FAF1: variants seen among roughly 807,000 people sequenced by gnomAD.
The protein encoded by FAF1 is FAS-associated factor 1.
A neutral mutation model predicts 92.5 loss-of-function variants in FAF1; 25 were observed. That is an observed-to-expected ratio of 0.27 (90% CI 0.20 to 0.38). The LOEUF (loss-of-function observed/expected upper bound fraction) is 0.38, where lower values mean the gene tolerates loss of function less well. Ranked by LOEUF, FAF1 falls within the 10% of genes least tolerant of loss-of-function variation. FAF1 has a pLI of 1.00. For missense variants in FAF1, 636 were observed against 793.3 expected (o/e 0.80, Z 2.38); for synonymous variants, 234 against 273.2 (o/e 0.86, Z 1.42).
At chr1:50,738,533 T>C (rs746581883) in intron 6 of FAF1, among the ~76,000 whole-genome samples, 23 of 152,190 alleles carry the variant, frequency 1.5e-4, no homozygotes, top group Non-Finnish European at 3.1e-4. Context: ...ATGCTTTCTT[T>C]AGCAATGAGA....
chr1:50,692,979 T>C (rs867811787), intron 7 of FAF1, among the ~76,000 whole-genome samples: 41 of 152,240 alleles, frequency 2.7e-4, no homozygotes, highest in African/African-American at 9.9e-4. Context: ...CTCTTATCAA[T>C]ATACAATTTG....
intron 17 of FAF1, among the ~76,000 whole-genome samples, chr1:50,481,707 G>C (rs779222689): frequency 5.9e-5 from 9 of 152,228 alleles, no homozygotes; most frequent in Non-Finnish European, 1.2e-4. Flanking sequence ...GGTAGAAGGT[G>C]GGGGGAGGGG....
At chr1:50,893,616 C>T (rs1312251199) in intron 1 of FAF1, among the ~76,000 whole-genome samples, 1 of 152,166 alleles carries the variant, frequency 6.6e-6, no homozygotes, top group Non-Finnish European at 1.5e-5. Flanking sequence ...GGCTGCCACA[C>T]TGGGACTGTG....
At chr1:50,596,045 A>G in intron 9 of FAF1, 76 bp downstream of exon 9, 3 of 915,794 alleles carry the variant, frequency 3.3e-6, no homozygotes, top group Non-Finnish European at 5.3e-6. Flanking sequence ...GCTCTGGCAG[A>G]TAAAAAAAAA....
intron 6 of FAF1, among the ~76,000 whole-genome samples, chr1:50,723,415 T>A (rs997798432): frequency 2.7e-5 from 4 of 148,154 alleles, no homozygotes; most frequent in South Asian, 2.1e-4. Flanking sequence ...AAAAAAAAAA[T>A]AAGTAGGATG....
rs576809540 is a variant in FAF1 at position 50,870,991 on chromosome 1, C to T, written c.46-12994G>A. Among the ~76,000 whole-genome samples, 45 of 152,296 alleles carry T rather than the reference C, an allele frequency of 3.0e-4. 1 individual carries two copies. The South Asian group carries it at 8.1e-3, about 27-fold the overall frequency. On this transcript the variant is annotated intron_variant, in intron 1 of 18. Transcript: ENST00000396153. ...AAGGAAAAGTTCTTGAGGGAAATTA[C>T]GTGTTACTCTAGTGAATATACAAAT...
intron 2 of FAF1, among the ~76,000 whole-genome samples, chr1:50,856,022 A>G (rs1429414632): frequency 1.2e-4 from 18 of 151,868 alleles, no homozygotes; most frequent in Non-Finnish European, 2.5e-4. Context: ...TCCTTTTACA[A>G]TATTCTGCAT....
intron 12 of FAF1, among the ~76,000 whole-genome samples, chr1:50,573,279 A>T (rs913699562): frequency 5.9e-5 from 9 of 151,816 alleles, no homozygotes; most frequent in Non-Finnish European, 1.0e-4. Context: ...TTGTGTTTTT[A>T]GTAGAGATGG....
At chr1:50,758,915 T>TCTCTGCAAGCTCTGCC (rs1256912843) in intron 4 of FAF1, among the ~76,000 whole-genome samples, 2 of 152,086 alleles carry the variant, frequency 1.3e-5, no homozygotes, top group African/African-American at 4.8e-5. Flanking sequence ...CGATCTCGGC[T>TCTCTGCAAGCTCTGCC]CTCTGCAAGC....
chr1:50,718,602 T>G (rs1658286218), intron 6 of FAF1, among the ~76,000 whole-genome samples: 1 of 152,238 alleles, frequency 6.6e-6, no homozygotes, highest in Non-Finnish European at 1.5e-5. Context: ...CTTATAAGGT[T>G]CATCTTCACT....
chr1:50,546,367 T>G (rs913109946), intron 13 of FAF1, among the ~76,000 whole-genome samples: 1 of 152,174 alleles, frequency 6.6e-6, no homozygotes, highest in African/African-American at 2.4e-5. Context: ...ATTTGGTTTC[T>G]TTTTTTGTTT....
chr1:50,925,109 T>C (rs992339901), intron 1 of FAF1, among the ~76,000 whole-genome samples: 5 of 152,128 alleles, frequency 3.3e-5, no homozygotes, highest in African/African-American at 4.8e-5. Flanking sequence ...AGAATACACA[T>C]TGGGAAAACA....
intron 7 of FAF1, among the ~76,000 whole-genome samples, chr1:50,680,303 C>G (rs1055650855): frequency 2.0e-5 from 3 of 152,044 alleles, no homozygotes; most frequent in Non-Finnish European, 4.4e-5. Flanking sequence ...AGAAAGAATG[C>G]CTTCACACAG....
At chr1:50,458,081 T>C (rs554546437) in intron 18 of FAF1, among the ~76,000 whole-genome samples, 493 of 151,846 alleles carry the variant, frequency 3.2e-3, no homozygotes, top group Non-Finnish European at 3.6e-3. Context: ...GGCATGGTGG[T>C]GCATGCCTGT....
At chr1:50,491,367 C>G (rs1343804070) in intron 16 of FAF1, among the ~76,000 whole-genome samples, 1 of 152,178 alleles carries the variant, frequency 6.6e-6, no homozygotes, top group East Asian at 1.9e-4. Flanking sequence ...AAGCTCAACA[C>G]AGAAGCAGGT....
intron 1 of FAF1, among the ~76,000 whole-genome samples, chr1:50,921,858 T>G (rs933570367): frequency 7.9e-5 from 12 of 152,128 alleles, no homozygotes; most frequent in Admixed American, 2.0e-4. Flanking sequence ...AGGACTCAAA[T>G]GTAACCACTA....
chr1:50,468,801 G>A (rs1158345908), intron 18 of FAF1, among the ~76,000 whole-genome samples: 1 of 152,060 alleles, frequency 6.6e-6, no homozygotes, highest in East Asian at 1.9e-4. Context: ...TCATCATGTA[G>A]GCCAGGCTGG....
At chr1:50,891,224 G>T (rs1240626381) in intron 1 of FAF1, among the ~76,000 whole-genome samples, 1 of 152,064 alleles carries the variant, frequency 6.6e-6, no homozygotes, top group Non-Finnish European at 1.5e-5. Flanking sequence ...GTCATTTAAG[G>T]ACTTCTCTAC....
rs374570336 is a variant in FAF1 at position 50,510,764 on chromosome 1, C to G, written c.1495-18963G>C. Among the ~76,000 whole-genome samples the G allele has an allele frequency of 1.3e-4, 20 of 152,218 alleles. 1 individual carries two copies. Among genetic ancestry groups the G allele is most frequent in the African/African-American group, 4.8e-4 (20 of 41,526 alleles). ...GAAATACCAAATTTCAAAAAGGTTT[C>G]TCTTTTTTTTAAGGACATACATAAA... is the stretch of plus-strand genomic sequence containing the variant. On this transcript the variant is annotated intron_variant, in intron 15 of 18. Coordinates refer to ENST00000396153, the MANE Select transcript of FAF1 (RefSeq NM_007051.3).
Sources: allele counts gnomAD v4.1 joint callset (sites outside exome capture counted in the v4.1 genomes callset), GRCh38; gene constraint gnomAD v4.1.1; transcripts MANE v1.5; gene names NCBI Gene and HGNC (gene_info 2026-07-23, HGNC 2026-07-21).